Variants in ICA1L observed in about 807,000 individuals in gnomAD.
ICA1L encodes islet cell autoantigen 1-like protein.
ICA1L carries 50 observed loss-of-function variants against 61.3 expected under a neutral mutation model. The ratio of observed to expected loss-of-function variants is 0.82; its 90% CI spans 0.65 to 1.03. The LOEUF is 1.03. ICA1L is among the 50% of genes least tolerant of loss of function. ICA1L has a pLI of 0.00. For missense variants in ICA1L, 508 were observed against 556.7 expected, an observed-to-expected ratio of 0.91 and a Z score of 0.88; for synonymous variants, 161 against 191.3, an observed-to-expected ratio of 0.84 and a Z score of 1.31.
intron 1 of ICA1L, among the ~76,000 whole-genome samples, chr2:202,832,239 T>A (rs1694030196): frequency 6.6e-6 from 1 of 151,664 alleles, no homozygotes; most frequent in Non-Finnish European, 1.5e-5. Context: ...AAGTATCCAA[T>A]CAAAAAACAC....
At chr2:202,785,887 A>G in intron 12 of ICA1L, 31 bp downstream of exon 12, 7 of 1,159,664 alleles carry the variant, frequency 6.0e-6, no homozygotes, top group Non-Finnish European at 8.9e-6. Flanking sequence ...TCTTAAAGCA[A>G]TGATAAAGAA....
At chr2:202,858,390 G>A (rs1160979188) in intron 1 of ICA1L, among the ~76,000 whole-genome samples, 7 of 152,156 alleles carry the variant, frequency 4.6e-5, no homozygotes, top group Admixed American at 1.3e-4. Flanking sequence ...CAAACACTGC[G>A]TGTTCTCACT....
intron 1 of ICA1L, among the ~76,000 whole-genome samples, chr2:202,834,131 C>T (rs1041510982): frequency 5.3e-5 from 8 of 151,948 alleles, no homozygotes; most frequent in African/African-American, 1.2e-4. Context: ...GTGTTTCAAA[C>T]GTAATGTACA....
chr2:202,827,046 C>G (rs1693864335), intron 2 of ICA1L, among the ~76,000 whole-genome samples: 2 of 152,236 alleles, frequency 1.3e-5, no homozygotes, highest in Admixed American at 1.3e-4. Flanking sequence ...CATTTGGTAT[C>G]TGGATTTGGC....
chr2:202,839,558 C>CTGTGTGTGTGTGTGTGTG (rs57535958), intron 1 of ICA1L, among the ~76,000 whole-genome samples: 32 of 114,436 alleles, frequency 2.8e-4, no homozygotes, highest in African/African-American at 7.6e-4. Context: ...ACAGTTAAGT[C>CTGTGTGTGTGTGTGTGTG]TGTGTGTGTG....
intron 8 of ICA1L, among the ~76,000 whole-genome samples, chr2:202,814,141 T>C (rs1295441217): frequency 6.6e-6 from 1 of 152,194 alleles, no homozygotes; most frequent in Non-Finnish European, 1.5e-5. Context: ...TGCTAAGATC[T>C]GAATTTCTCC....
chr2:202,823,895 C>T (rs1245302029), intron 3 of ICA1L, among the ~76,000 whole-genome samples: 1 of 152,134 alleles, frequency 6.6e-6, no homozygotes, highest in Non-Finnish European at 1.5e-5. Context: ...GGGAAAAGCA[C>T]ATGGCAGGTA....
At chr2:202,784,413 C>G (rs1559125750) in intron 12 of ICA1L, among the ~76,000 whole-genome samples, 1 of 152,226 alleles carries the variant, frequency 6.6e-6, no homozygotes, top group Middle Eastern at 3.4e-3. Context: ...CCATTGCACT[C>G]CAGCCTGGGC....
chr2:202,846,381 TC>T, intron 1 of ICA1L, among the ~76,000 whole-genome samples: 1 of 152,104 alleles, frequency 6.6e-6, no homozygotes, highest in Middle Eastern at 3.4e-3. Flanking sequence ...AATTTTTTTT[TC>T]TTTTTTTTGT....
intron 1 of ICA1L, among the ~76,000 whole-genome samples, chr2:202,852,440 G>A (rs1280658146): frequency 6.6e-6 from 1 of 151,960 alleles, no homozygotes; most frequent in African/African-American, 2.4e-5. Context: ...GGAGGCTGAG[G>A]CGGGCGGATC....
At chr2:202,786,785 T>C (rs1234363226) in intron 11 of ICA1L, 2 of 448,308 alleles carry the variant, frequency 4.5e-6, no homozygotes, top group Admixed American at 2.4e-5. Flanking sequence ...TCTGTAATAA[T>C]GAACAAGTAG....
At chr2:202,830,530 A>G (rs1343066454) in intron 1 of ICA1L, among the ~76,000 whole-genome samples, 1 of 152,260 alleles carries the variant, frequency 6.6e-6, no homozygotes, top group Admixed American at 6.5e-5. Context: ...ATAAATACTA[A>G]TAACATTTTG....
Position 202,777,354 on chromosome 2 carries a change from A to G in ICA1L, c.*2179T>C, listed in dbSNP as rs185366871. 759 of 152,196 alleles carry G rather than the reference A, an allele frequency of 5.0e-3. 15 individuals are homozygous for G. The highest frequency in any genetic ancestry group is 3.1e-3 in the Non-Finnish European group (210 of 68,058). 9.4% of individuals were successfully genotyped at this position (152,196 alleles called of 1,614,324 possible). On this transcript the variant is annotated 3_prime_UTR_variant, in exon 13 of 13. Transcript: ENST00000358299. ...AGGCGTGAGCCACCATGCCCAGCCA[A>G]AGTTTTAGCATTTTTTGAGGCACTC...
At chr2:202,804,240 A>G (rs968117899) in intron 9 of ICA1L, among the ~76,000 whole-genome samples, 2 of 152,126 alleles carry the variant, frequency 1.3e-5, no homozygotes, top group African/African-American at 2.4e-5. Context: ...GCCTTTACCT[A>G]TTTAGAAAAA....
chr2:202,785,400 C>G (rs995228672), intron 12 of ICA1L, among the ~76,000 whole-genome samples: 1 of 151,996 alleles, frequency 6.6e-6, no homozygotes, highest in Non-Finnish European at 1.5e-5. Context: ...ATGTAGTACA[C>G]TTTGTCAAGC....
At chr2:202,786,224 G>C (rs1692574087) in intron 11 of ICA1L, among the ~76,000 whole-genome samples, 1 of 152,166 alleles carries the variant, frequency 6.6e-6, no homozygotes, top group South Asian at 2.1e-4. Flanking sequence ...TTTTCAAAGT[G>C]GTTTTGAAAT....
chr2:202,869,630 T>C (rs1687637200), intron 1 of ICA1L: 1 of 152,204 alleles, frequency 6.6e-6, no homozygotes, highest in South Asian at 2.1e-4. Context: ...AACAAAATGT[T>C]AACAGTTGTT....
Position 202,774,369 on chromosome 2 carries a change from G to A in ICA1L, c.*5164C>T, listed in dbSNP as rs1195209482. On this transcript the variant is annotated 3_prime_UTR_variant, in exon 13 of 13. Transcript: ENST00000358299. ...CCGCGCGCTCCGCTCAGCGTGGTCT[G>A]GCAGCCGGAGACCAGGCCTCACTGC... 7 of 1,312,644 alleles carry A rather than the reference G, an allele frequency of 5.3e-6. No homozygotes were observed. The highest frequency in any genetic ancestry group is 6.8e-6 in the Non-Finnish European group (7 of 1,026,894). 81.3% of individuals were successfully genotyped at this position (1,312,644 alleles called of 1,614,324 possible).
chr2:202,784,945 C>T (rs1430218886), intron 12 of ICA1L, among the ~76,000 whole-genome samples: 3 of 152,058 alleles, frequency 2.0e-5, no homozygotes, highest in African/African-American at 7.2e-5. Flanking sequence ...ATGGGCTGGG[C>T]ATGGTGGCTC....
Sources: gnomAD v4.1 joint callset for allele counts (sites outside exome capture counted in the v4.1 genomes callset) on GRCh38, gnomAD v4.1.1 for gene constraint, MANE v1.5 for transcripts, NCBI Gene and HGNC (gene_info 2026-07-23, HGNC 2026-07-21) for gene names.